The following GTF2F2 variants were observed in gnomAD, a reference collection of about 807,000 sequenced individuals.
GTF2F2 encodes the protein ATP-dependent helicase GTF2F2.
A neutral mutation model predicts 42.2 loss-of-function variants in GTF2F2; 23 were observed. The observed-to-expected ratio is 0.55, with a 90% confidence interval of 0.39 to 0.77. The LOEUF is 0.77. GTF2F2 is among the 30% of genes least tolerant of loss of function. The pLI, the probability that GTF2F2 is intolerant of heterozygous loss-of-function variation, is 0.00. For missense variants in GTF2F2, 261 were observed against 287.2 expected (o/e 0.91, Z 0.66); for synonymous variants, 105 against 100.8 (o/e 1.04, Z -0.25).
At chr13:45,258,219 A>C (rs1274074011) in intron 6 of GTF2F2, among the ~76,000 whole-genome samples, 1 of 152,092 alleles carries the variant, frequency 6.6e-6, no homozygotes, top group Non-Finnish European at 1.5e-5. Context: ...TGGTGGAATC[A>C]AAAACAACTC....
rs1164383441 is a variant in GTF2F2 at position 45,207,495 on chromosome 13, C to T, written c.376C>T (p.Arg126Ter). The change falls in exon 5 of 8, where the codon CGA becomes TGA. Residue 126 changes from arginine (R) to a stop codon, truncating the protein, a stop_gained. Coordinates refer to ENST00000340473, the MANE Select transcript of GTF2F2 (RefSeq NM_004128.3). LOFTEE classifies it high-confidence loss of function. ...ACCAGCTGCCAGTGAAAACTACATGCGATTAAAAAGGTTGGTGTTTTGTAA... is the reference window on the plus strand; with the variant it reads ...ACCAGCTGCCAGTGAAAACTACATGTGATTAAAAAGGTTGGTGTTTTGTAA... ...CRPAASENYM[R>*]LKRLQIEESS... is the part of the protein sequence containing the mutation. 5.0e-6 allele frequency: 8 copies of T among 1,602,726 alleles called. No individual in the cohort carries two copies. Among genetic ancestry groups the T allele is most frequent in the African/African-American group, 1.3e-5 (1 of 74,756 alleles).
At chr13:45,195,737 TA>T (rs1221208899) in intron 4 of GTF2F2, among the ~76,000 whole-genome samples, 1 of 152,220 alleles carries the variant, frequency 6.6e-6, no homozygotes, top group Non-Finnish European at 1.5e-5. Flanking sequence ...GTAAGAAATG[TA>T]AACATTGTCC....
chr13:45,169,947 T>A (rs1276078102), intron 4 of GTF2F2, among the ~76,000 whole-genome samples: 1 of 152,238 alleles, frequency 6.6e-6, no homozygotes, highest in Non-Finnish European at 1.5e-5. Context: ...TCTTAAGAAC[T>A]AGGTTTTTAA....
At chr13:45,264,056 G>C (rs1002496797) in intron 6 of GTF2F2, 1 of 151,990 alleles carries the variant, frequency 6.6e-6, no homozygotes, top group African/African-American at 2.4e-5. Context: ...AAATATTTCG[G>C]ACAGGAAGAA....
At position 45,178,996 on chromosome 13, in the gene GTF2F2, G is replaced by A. The variant is rs112826457; in HGVS notation, c.304+27165G>A. Among the ~76,000 whole-genome samples, 331 of 152,282 alleles carry A rather than the reference G, an allele frequency of 2.2e-3. 3 individuals carry two copies. The highest frequency in any genetic ancestry group is 7.5e-3 in the African/African-American group (313 of 41,548). On this transcript the variant is annotated intron_variant, in intron 4 of 7. Transcript: ENST00000340473. ...TTTGTGGTTTCTCTTTAGTGCTCTC[G>A]TCATTTAGTAGGTCTAGCCCATGCT...
At chr13:45,216,683 A>AT (rs1348278339) in intron 5 of GTF2F2, among the ~76,000 whole-genome samples, 1 of 151,334 alleles carries the variant, frequency 6.6e-6, no homozygotes, top group Non-Finnish European at 1.5e-5. Flanking sequence ...ACGCCTGGCT[A>AT]TTTTTTTGCA....
intron 2 of GTF2F2, among the ~76,000 whole-genome samples, chr13:45,148,455 T>C (rs772818967): frequency 3.3e-5 from 5 of 152,214 alleles, no homozygotes; most frequent in Non-Finnish European, 7.3e-5. Flanking sequence ...TCAGACCCTT[T>C]TGTGACTTTC....
intron 1 of GTF2F2, 73 bp downstream of exon 1, chr13:45,120,794 C>A: frequency 9.4e-7 from 1 of 1,068,678 alleles, no homozygotes; most frequent in Non-Finnish European, 1.4e-6. Flanking sequence ...GCCTATCCCG[C>A]TCCGTGCGCC....
chr13:45,177,913 T>A (rs2138152360), intron 4 of GTF2F2, among the ~76,000 whole-genome samples: 1 of 152,326 alleles, frequency 6.6e-6, no homozygotes, highest in South Asian at 2.1e-4. Flanking sequence ...CTGTTAGTTT[T>A]ATTGCTGATG....
rs763965849 is a variant in GTF2F2, at chr13:45,194,547, T to C, written c.305-12877T>C. On this transcript the variant is annotated intron_variant, in intron 4 of 7. Transcript: ENST00000340473. ...CTTCATACTCCTTTTCTTTTTCTCTTCTGTTTATTTTACGCTCCATTTTTT... is the reference window on the plus strand; with the variant it reads ...CTTCATACTCCTTTTCTTTTTCTCTCCTGTTTATTTTACGCTCCATTTTTT... The C allele has an allele frequency of 2.5e-6, 4 of 1,611,514 alleles. No homozygotes were observed. In the East Asian group the frequency reaches 6.7e-5, roughly 27 times the overall value.
At chr13:45,236,738 C>T (rs922952879) in intron 5 of GTF2F2, among the ~76,000 whole-genome samples, 4 of 151,998 alleles carry the variant, frequency 2.6e-5, no homozygotes, top group African/African-American at 9.7e-5. Flanking sequence ...AATGGGGATA[C>T]TAGTCTAAGT....
intron 4 of GTF2F2, among the ~76,000 whole-genome samples, chr13:45,155,592 G>A (rs1870717684): frequency 1.3e-5 from 2 of 152,128 alleles, no homozygotes; most frequent in Non-Finnish European, 2.9e-5. Flanking sequence ...AAGTTATACA[G>A]TGTTTTCTCA....
intron 7 of GTF2F2, among the ~76,000 whole-genome samples, chr13:45,283,057 G>A (rs1302510604): frequency 6.6e-6 from 1 of 152,062 alleles, no homozygotes; most frequent in East Asian, 1.9e-4. Flanking sequence ...TTCAATCTGT[G>A]AACTGAGTCC....
At chr13:45,233,805 C>G (rs1199735514) in intron 5 of GTF2F2, among the ~76,000 whole-genome samples, 3 of 152,012 alleles carry the variant, frequency 2.0e-5, no homozygotes, top group Non-Finnish European at 4.4e-5. Flanking sequence ...CCCAGCTACT[C>G]AAGAGGCTGA....
chr13:45,253,022 G>T, intron 6 of GTF2F2, 52 bp downstream of exon 6: 1 of 769,134 alleles, frequency 1.3e-6, no homozygotes, highest in Non-Finnish European at 2.1e-6. Context: ...ATTCTTTTCT[G>T]TATCATAGAG....
At chr13:45,235,545 TTG>T (rs934490423) in intron 5 of GTF2F2, among the ~76,000 whole-genome samples, 2 of 152,038 alleles carry the variant, frequency 1.3e-5, no homozygotes, top group Admixed American at 1.3e-4. Context: ...AAATGGAGAT[TTG>T]ATGAAGTAAA....
intron 5 of GTF2F2, 122 bp downstream of exon 5, chr13:45,207,627 G>C: frequency 1.6e-6 from 1 of 619,764 alleles, no homozygotes. Context: ...TGCTTCAAAA[G>C]CTGTTTGGTT....
In GTF2F2 at chr13:45,174,692, C is replaced by T. The variant is rs558262012; in HGVS notation, c.304+22861C>T. Among the ~76,000 whole-genome samples the T allele has an allele frequency of 2.1e-3, 282 of 132,812 alleles. 1 individual carries two copies. The highest frequency in any genetic ancestry group is 3.5e-3 in the Non-Finnish European group (226 of 64,850). 87.1% of individuals were successfully genotyped at this position (132,812 alleles called of 152,430 possible). On this transcript the variant is annotated intron_variant, in intron 4 of 7. Transcript: ENST00000340473. ...TTTTATTACTTACAGGTCCTGGATA[C>T]ATGACATACCTGGAAGCCATACACA...
At chr13:45,219,586 T>C (rs1451365073) in intron 5 of GTF2F2, 1 of 152,212 alleles carries the variant, frequency 6.6e-6, no homozygotes, top group Admixed American at 6.5e-5. Flanking sequence ...CATGATTGAA[T>C]TGAATTTCAA....
Sources: allele counts gnomAD v4.1 joint callset (sites outside exome capture counted in the v4.1 genomes callset), GRCh38; gene constraint gnomAD v4.1.1; transcripts MANE v1.5; gene names NCBI Gene and HGNC (gene_info 2026-07-23, HGNC 2026-07-21).